The following ADAMTS18 variants were observed in gnomAD, a reference collection of about 807,000 sequenced individuals.
ADAMTS18 encodes A disintegrin and metalloproteinase with thrombospondin motifs 18.
ADAMTS18 carries 157 observed loss-of-function variants against 165.9 expected under a neutral mutation model. The observed-to-expected ratio is 0.95, with a 90% confidence interval of 0.83 to 1.08. ADAMTS18 has a LOEUF of 1.08. Among genes scored for constraint, ADAMTS18 ranks in the 50% least tolerant of loss-of-function variants. The pLI is 0.00. For missense variants in ADAMTS18, 2,040 were observed against 1,534.0 expected, an observed-to-expected ratio of 1.33 and a Z score of -5.51; for synonymous variants, 782 against 578.2, an observed-to-expected ratio of 1.35 and a Z score of -5.06.
At chr16:77,304,807 G>T (rs937336977) in intron 16 of ADAMTS18, among the ~76,000 whole-genome samples, 1 of 152,146 alleles carries the variant, frequency 6.6e-6, no homozygotes, top group Non-Finnish European at 1.5e-5. Flanking sequence ...GTATGCCTGT[G>T]TATGTGTGTT....
intron 3 of ADAMTS18, among the ~76,000 whole-genome samples, chr16:77,424,130 C>G (rs1179673784): frequency 2.0e-5 from 3 of 152,160 alleles, no homozygotes; most frequent in Non-Finnish European, 4.4e-5. Flanking sequence ...GTACTTACAA[C>G]ACAGGACTTG....
intron 3 of ADAMTS18, among the ~76,000 whole-genome samples, chr16:77,424,207 G>A (rs112150956): frequency 0.016 from 2,417 of 152,218 alleles, 62 homozygotes; most frequent in African/African-American, 0.055. Context: ...GGTGGCTCAC[G>A]CCTGTAATCC....
intron 16 of ADAMTS18, among the ~76,000 whole-genome samples, chr16:77,306,993 G>C (rs962901634): frequency 6.6e-6 from 1 of 152,178 alleles, no homozygotes; most frequent in African/African-American, 2.4e-5. Flanking sequence ...CTGCTGGAAA[G>C]ACAACACTGG....
chr16:77,287,088 G>GGTCTAGTTTAAGTGACTACA (rs2055268366), intron 22 of ADAMTS18, among the ~76,000 whole-genome samples: 2 of 152,038 alleles, frequency 1.3e-5, no homozygotes, highest in Non-Finnish European at 2.9e-5. Context: ...TCTTCTCTAG[G>GGTCTAGTTTAAGTGACTACA]GTCTAGTTTA....
chr16:77,340,866 C>G (rs1043113440), intron 11 of ADAMTS18, among the ~76,000 whole-genome samples: 13 of 152,254 alleles, frequency 8.5e-5, no homozygotes, highest in Admixed American at 2.6e-4. Flanking sequence ...TCACACCCAG[C>G]CTTGACATAA....
chr16:77,407,546 CAT>C (rs879943935), intron 3 of ADAMTS18, among the ~76,000 whole-genome samples: 48 of 152,028 alleles, frequency 3.2e-4, no homozygotes, highest in Non-Finnish European at 6.5e-4. Context: ...ACGTGTAAGA[CAT>C]GTTACAAAGC....
At chr16:77,373,647 C>T (rs991713185) in intron 3 of ADAMTS18, among the ~76,000 whole-genome samples, 3 of 152,028 alleles carry the variant, frequency 2.0e-5, no homozygotes, top group African/African-American at 7.2e-5. Context: ...GCACCAAAAT[C>T]TCACAAATCA....
intron 16 of ADAMTS18, among the ~76,000 whole-genome samples, chr16:77,304,391 T>A (rs537253654): frequency 6.6e-6 from 1 of 151,630 alleles, no homozygotes; most frequent in Non-Finnish European, 1.5e-5. Flanking sequence ...AGCTCAGGAG[T>A]TGGAAGCTGC....
intron 12 of ADAMTS18, among the ~76,000 whole-genome samples, chr16:77,332,688 C>A (rs1206446712): frequency 1.3e-5 from 2 of 152,094 alleles, no homozygotes; most frequent in African/African-American, 4.8e-5. Flanking sequence ...GGAGTTAGAG[C>A]ATATAAAAGT....
intron 12 of ADAMTS18, among the ~76,000 whole-genome samples, chr16:77,334,912 TTATAGTA>T (rs953038543): frequency 9.3e-4 from 128 of 138,232 alleles, no homozygotes; most frequent in African/African-American, 3.0e-3. Context: ...ATACTGTACA[TTATAGTA>T]TATAGTATAT....
chr16:77,390,261 A>C (rs1012276500), intron 3 of ADAMTS18, among the ~76,000 whole-genome samples: 9 of 152,212 alleles, frequency 5.9e-5, no homozygotes, highest in African/African-American at 1.9e-4. Flanking sequence ...AATAATAATA[A>C]ATGTAGATTT....
chr16:77,317,240 T>G (rs1399358007), intron 16 of ADAMTS18, among the ~76,000 whole-genome samples: 1 of 152,182 alleles, frequency 6.6e-6, no homozygotes, highest in Non-Finnish European at 1.5e-5. Flanking sequence ...AGCAGGAGGA[T>G]TTTCTTTTCT....
At position 77,282,900 on chromosome 16, in the gene ADAMTS18, T is replaced by TTG. The variant is rs201566322; in HGVS notation, c.*1055_*1056insCA. The stretch of plus-strand genomic sequence containing the variant: ...TTATTACCACTGTTTACTCCTTTCT[T>TTG]TCTCTCTTTTTTTTTTTTTTTTTTT... On this transcript the variant is annotated 3_prime_UTR_variant, in exon 23 of 23. Transcript: ENST00000282849. 1 of 107,126 alleles carries TTG rather than the reference T, an allele frequency of 9.3e-6. No individual in the cohort carries two copies. The highest frequency in any genetic ancestry group is 2.0e-5 in the Non-Finnish European group (1 of 50,896). The allele number at this position is 107,126 out of a possible 1,614,324, so 6.6% of individuals were successfully genotyped here.
rs2056288641 is a variant in ADAMTS18 at position 77,335,205 on chromosome 16, A to G, written c.1859+551T>C. On this transcript the variant is annotated intron_variant, in intron 12 of 22. Transcript: ENST00000282849. The stretch of plus-strand genomic sequence containing the variant: ...AGCAACATGAATGGAACTGGAGGAC[A>G]TCATATTAAGTGAAATAAGCCAAAT... Among the ~76,000 whole-genome samples the G allele has an allele frequency of 2.0e-5, 3 of 151,208 alleles. No individual in the cohort carries two copies. In the South Asian group the frequency reaches 6.2e-4, roughly 31 times the overall value.
In ADAMTS18 at chr16:77,359,281, G is replaced by C. The variant is rs1460823862; in HGVS notation, c.1322+37C>G. The C allele has an allele frequency of 6.4e-6, 10 of 1,562,520 alleles. No individual in the cohort carries two copies. The Admixed American group carries it at 6.8e-5, about 11-fold the overall frequency. ...GGAACACCAATGAATCACCCAACTAGTTTTCACATAAAGTAGTGGTTCAAA... is the reference window on the plus strand; with the variant it reads ...GGAACACCAATGAATCACCCAACTACTTTTCACATAAAGTAGTGGTTCAAA... On this transcript the variant is annotated intron_variant, in intron 8 of 22. Transcript: ENST00000282849.
intron 3 of ADAMTS18, among the ~76,000 whole-genome samples, chr16:77,429,796 G>A (rs17621339): frequency 0.28 from 42,163 of 152,004 alleles, 6,853 homozygotes; most frequent in Non-Finnish European, 0.38. Context: ...AACAGCTATA[G>A]AGAAATTATT....
chr16:77,343,499 G>A (rs1378060632), intron 10 of ADAMTS18, among the ~76,000 whole-genome samples: 2 of 152,180 alleles, frequency 1.3e-5, no homozygotes, highest in South Asian at 2.1e-4. Flanking sequence ...TACCATTTTA[G>A]TGGTGGAAAC....
intron 3 of ADAMTS18, among the ~76,000 whole-genome samples, chr16:77,387,178 T>C (rs1203022764): frequency 1.3e-5 from 2 of 152,208 alleles, no homozygotes; most frequent in African/African-American, 4.8e-5. Flanking sequence ...TCCAACTTTT[T>C]CCTCCTGCTG....
chr16:77,404,525 A>C (rs1352703943), intron 3 of ADAMTS18, among the ~76,000 whole-genome samples: 1 of 152,224 alleles, frequency 6.6e-6, no homozygotes, highest in African/African-American at 2.4e-5. Flanking sequence ...CTATGGGGCT[A>C]AATGTCATCT....
Sources: gnomAD v4.1 joint callset for allele counts (sites outside exome capture counted in the v4.1 genomes callset) on GRCh38, gnomAD v4.1.1 for gene constraint, MANE v1.5 for transcripts, NCBI Gene and HGNC (gene_info 2026-07-23, HGNC 2026-07-21) for gene names.